Variants in USP12 observed in about 807,000 individuals in gnomAD.
USP12 encodes the protein ubiquitin carboxyl-terminal hydrolase 12.
In USP12, 19 loss-of-function variants were observed where a neutral mutation model predicts 45.5. The ratio of observed to expected loss-of-function variants is 0.42; its 90% CI spans 0.29 to 0.61. The LOEUF is 0.61. Ranked by LOEUF, USP12 falls within the 20% of genes least tolerant of loss-of-function variation. USP12 has a pLI of 0.22. For missense variants in USP12, 242 were observed against 447.7 expected (o/e 0.54, Z 4.15); for synonymous variants, 149 against 148.8 (o/e 1.00, Z -0.01).
chr13:27,106,012 A>G, intron 2 of USP12, 68 bp from the exon 3 acceptor site: 1 of 1,371,296 alleles, frequency 7.3e-7, no homozygotes, highest in South Asian at 1.4e-5. Context: ...AATTCCCGGT[A>G]TATGGTTGAG....
intron 6 of USP12, among the ~76,000 whole-genome samples, chr13:27,080,880 T>C (rs931498787): frequency 1.3e-5 from 2 of 152,212 alleles, no homozygotes; most frequent in African/African-American, 4.8e-5. Context: ...AATAGTTTAT[T>C]GCTTAAAAAA....
intron 6 of USP12, among the ~76,000 whole-genome samples, chr13:27,089,235 A>T (rs1390896747): frequency 6.6e-6 from 1 of 152,356 alleles, no homozygotes; most frequent in East Asian, 1.9e-4. Context: ...GTAGCATGTC[A>T]GTGTTACTTT....
intron 2 of USP12, among the ~76,000 whole-genome samples, chr13:27,111,738 C>T (rs1419820150): frequency 6.6e-6 from 1 of 152,100 alleles, no homozygotes; most frequent in East Asian, 1.9e-4. Context: ...AGAAAATGCA[C>T]ATTTTAGATG....
intron 2 of USP12, among the ~76,000 whole-genome samples, chr13:27,110,415 T>A (rs1411347686): frequency 6.6e-6 from 1 of 152,184 alleles, no homozygotes; most frequent in Admixed American, 6.5e-5. Flanking sequence ...CTCCTAATTG[T>A]CTGAATATGT....
chr13:27,154,738 G>A (rs1179006431), intron 1 of USP12, among the ~76,000 whole-genome samples: 2 of 152,156 alleles, frequency 1.3e-5, no homozygotes, highest in Admixed American at 6.5e-5. Context: ...AATTCAAGTT[G>A]CAGAAGGAAT....
At chr13:27,120,096 G>A (rs933209668) in intron 1 of USP12, among the ~76,000 whole-genome samples, 2 of 152,236 alleles carry the variant, frequency 1.3e-5, no homozygotes, top group African/African-American at 4.8e-5. Context: ...AAAACCAACT[G>A]GAAAGTCAAA....
chr13:27,104,212 T>C (rs1875019746), intron 3 of USP12, among the ~76,000 whole-genome samples: 1 of 152,168 alleles, frequency 6.6e-6, no homozygotes, highest in Admixed American at 6.5e-5. Flanking sequence ...TAAAATTTTT[T>C]GTGAGACAAG....
intron 2 of USP12, among the ~76,000 whole-genome samples, chr13:27,110,895 C>T (rs1000778162): frequency 6.6e-6 from 1 of 152,054 alleles, no homozygotes; most frequent in African/African-American, 2.4e-5. Flanking sequence ...TTCCACCGAG[C>T]AGGGAGATGA....
intron 1 of USP12, among the ~76,000 whole-genome samples, chr13:27,163,364 C>T (rs1878199927): frequency 1.3e-5 from 2 of 152,150 alleles, no homozygotes; most frequent in Admixed American, 1.3e-4. Flanking sequence ...AACACATTAT[C>T]TATTTACATC....
chr13:27,171,070 T>C (rs570589725), intron 1 of USP12, among the ~76,000 whole-genome samples: 158 of 147,684 alleles, frequency 1.1e-3, no homozygotes, highest in African/African-American at 3.7e-3. Context: ...GCCGAGACCC[T>C]TCCTTCCTGC....
chr13:27,164,554 C>T (rs997659906), intron 1 of USP12, among the ~76,000 whole-genome samples: 12 of 152,116 alleles, frequency 7.9e-5, no homozygotes, highest in African/African-American at 2.2e-4. Flanking sequence ...CAAAAGTCTT[C>T]GAGTTTTGCT....
At chr13:27,083,872 A>T (rs529993224) in intron 6 of USP12, among the ~76,000 whole-genome samples, 33 of 146,522 alleles carry the variant, frequency 2.3e-4, no homozygotes, top group African/African-American at 3.8e-4. Flanking sequence ...ATATATATAT[A>T]TATTTTTTTG....
intron 1 of USP12, among the ~76,000 whole-genome samples, chr13:27,155,653 G>C (rs549107160): frequency 6.6e-6 from 1 of 152,088 alleles, no homozygotes; most frequent in African/African-American, 2.4e-5. Context: ...ATAACCCTGA[G>C]GCGGAACATA....
chr13:27,155,281 C>T (rs543525637), intron 1 of USP12, among the ~76,000 whole-genome samples: 196 of 151,888 alleles, frequency 1.3e-3, no homozygotes, highest in African/African-American at 4.5e-3. Context: ...CAGGGTTTCA[C>T]CATGTTGGCC....
intron 2 of USP12, among the ~76,000 whole-genome samples, chr13:27,110,344 G>C (rs895857207): frequency 4.6e-5 from 7 of 152,174 alleles, no homozygotes; most frequent in African/African-American, 1.4e-4. Context: ...TCATAGGGAA[G>C]ACAGACACTA....
chr13:27,089,948 TTC>T lies in USP12; in HGVS notation c.667_668del (p.Glu223AsnfsTer5). On this transcript the variant is annotated frameshift_variant, in exon 6 of 9. Coordinates refer to ENST00000282344, the MANE Select transcript of USP12 (RefSeq NM_182488.4). LOFTEE classifies it high-confidence loss of function. ...AATACTTGTATTCACTGCACAGAGTTTCTGTGTTGCTGAAACCCCTGTGTGAA... is the reference window on the plus strand; with the variant it reads ...AATACTTGTATTCACTGCACAGAGTTTGTGTTGCTGAAACCCCTGTGTGAA... ...THCLRGFSNT[E>X]TLCSEYKYYC... The T allele has an allele frequency of 6.2e-7, 1 of 1,610,310 alleles. No homozygotes were observed. Among genetic ancestry groups the T allele is most frequent in the Non-Finnish European group, 8.5e-7 (1 of 1,178,000 alleles).
intron 6 of USP12, among the ~76,000 whole-genome samples, chr13:27,086,069 C>T (rs887198219): frequency 2.7e-5 from 4 of 150,574 alleles, no homozygotes; most frequent in Non-Finnish European, 4.4e-5. Flanking sequence ...ACACAGAAGG[C>T]TGAGGTAGGA....
chr13:27,110,854 T>G (rs1262641391), intron 2 of USP12, among the ~76,000 whole-genome samples: 1 of 152,152 alleles, frequency 6.6e-6, no homozygotes, highest in Admixed American at 6.5e-5. Flanking sequence ...ATCTCCATAT[T>G]TTGGAATAGG....
chr13:27,075,923 G>A (rs958350263), intron 6 of USP12, among the ~76,000 whole-genome samples: 2 of 151,828 alleles, frequency 1.3e-5, no homozygotes, highest in East Asian at 1.9e-4. Flanking sequence ...CCAGCTACTC[G>A]GGAAGCTGGG....
Sources: gnomAD v4.1 joint callset for allele counts (sites outside exome capture counted in the v4.1 genomes callset) on GRCh38, gnomAD v4.1.1 for gene constraint, MANE v1.5 for transcripts, NCBI Gene and HGNC (gene_info 2026-07-23, HGNC 2026-07-21) for gene names.